PC: variants seen among roughly 807,000 people sequenced by gnomAD.
The protein encoded by PC is pyruvate carboxylase, mitochondrial.
In PC, 46 loss-of-function variants were observed where a neutral mutation model predicts 107.8. The ratio of observed to expected loss-of-function variants is 0.43; its 90% CI spans 0.34 to 0.55. The LOEUF (loss-of-function observed/expected upper bound fraction) is 0.55. Ranked by LOEUF, PC falls within the 20% of genes least tolerant of loss-of-function variation. The probability of loss-of-function intolerance (pLI) is 0.04; values close to 1 mark genes in which losing one functional copy is unlikely to be tolerated. For synonymous variants in PC, 662 were observed against 684.7 expected (o/e 0.97, Z 0.52); for missense variants, 1,241 against 1,643.1 (o/e 0.76, Z 4.23).
At chr11:66,935,269 G>A (rs906528312) in intron 3 of PC, among the ~76,000 whole-genome samples, 11 of 152,256 alleles carry the variant, frequency 7.2e-5, no homozygotes, top group Non-Finnish European at 1.3e-4. Flanking sequence ...TGATTGCCAC[G>A]TAAGAATATC....
intron 3 of PC, among the ~76,000 whole-genome samples, chr11:66,951,669 A>G (rs893690253): frequency 3.3e-5 from 5 of 152,066 alleles, no homozygotes; most frequent in Admixed American, 3.3e-4. Context: ...AGGTGGGTGG[A>G]TCACAAGATC....
intron 3 of PC, among the ~76,000 whole-genome samples, chr11:66,937,967 G>A (rs531228124): frequency 7.9e-5 from 12 of 152,048 alleles, no homozygotes; most frequent in Admixed American, 4.6e-4. Context: ...TAGTAGAGAC[G>A]GGGTTTCACT....
chr11:66,883,341 C>T (rs1481014232), intron 3 of PC, among the ~76,000 whole-genome samples: 1 of 152,216 alleles, frequency 6.6e-6, no homozygotes, highest in African/African-American at 2.4e-5. Flanking sequence ...ACACTGCCCC[C>T]TGGCGCACGA....
chr11:66,880,161 C>T (rs940831310), intron 3 of PC, among the ~76,000 whole-genome samples: 1 of 152,198 alleles, frequency 6.6e-6, no homozygotes, highest in African/African-American at 2.4e-5. Flanking sequence ...AATGGCACTG[C>T]CTTCCCAGAT....
intron 3 of PC, among the ~76,000 whole-genome samples, chr11:66,888,740 C>T (rs75168714): frequency 0.028 from 4,189 of 152,316 alleles, 87 homozygotes; most frequent in African/African-American, 0.046. Context: ...CCATAGTAGA[C>T]ACTCTGTATT....
intron 1 of PC, among the ~76,000 whole-genome samples, chr11:66,954,798 G>A (rs562263070): frequency 9.1e-4 from 139 of 152,212 alleles, no homozygotes; most frequent in Non-Finnish European, 1.4e-3. Context: ...ACAAAAATTA[G>A]CCAGGCAAAG....
At chr11:66,903,461 TGG>T (rs981764955) in intron 3 of PC, among the ~76,000 whole-genome samples, 2 of 151,756 alleles carry the variant, frequency 1.3e-5, no homozygotes, top group African/African-American at 4.8e-5. Flanking sequence ...ATTTTTTGGC[TGG>T]GCGTGGTGGC....
At chr11:66,905,399 A>T (rs1948129891) in intron 3 of PC, among the ~76,000 whole-genome samples, 1 of 152,002 alleles carries the variant, frequency 6.6e-6, no homozygotes, top group African/African-American at 2.4e-5. Context: ...CTCCAAGCTG[A>T]CTCTGTTCAG....
In PC at chr11:66,903,789, T is replaced by TATATAC. The variant is rs1244995806; in HGVS notation, c.1-31631_1-31630insGTATAT. On this transcript the variant is annotated intron_variant, in intron 3 of 22. Transcript: ENST00000393960. ...AAAAAAAAAAATATATATATATATA[T>TATATAC]ATACACACACCCACACACACCCACA... Among the ~76,000 whole-genome samples, 21 of 124,088 alleles carry TATATAC rather than the reference T, an allele frequency of 1.7e-4. 1 individual carries two copies. Among genetic ancestry groups the TATATAC allele is most frequent in the Non-Finnish European group, 3.5e-4 (20 of 57,114 alleles). 81.4% of individuals were successfully genotyped at this position (124,088 alleles called of 152,430 possible).
chr11:66,893,972 C>T (rs1248286667), intron 3 of PC, among the ~76,000 whole-genome samples: 1 of 151,628 alleles, frequency 6.6e-6, no homozygotes, highest in Non-Finnish European at 1.5e-5. Context: ...CTCTTTAATC[C>T]CTCACATCCT....
intron 3 of PC, among the ~76,000 whole-genome samples, chr11:66,880,480 C>A (rs115029245): frequency 0.016 from 2,493 of 152,264 alleles, 62 homozygotes; most frequent in African/African-American, 0.056. Context: ...TGGTGACCCT[C>A]GGAAGTGGCA....
At position 66,866,706 on chromosome 11, in the gene PC, C is replaced by T. The variant is rs2135919775; in HGVS notation, c.1023-357G>A. Among the ~76,000 whole-genome samples, 1 of 152,308 alleles carries T rather than the reference C, an allele frequency of 6.6e-6. No homozygotes were observed. Among genetic ancestry groups the T allele is most frequent in the African/African-American group, 2.4e-5 (1 of 41,560 alleles). On this transcript the variant is annotated intron_variant, in intron 10 of 22. Transcript: ENST00000393960. This position sits in a 1 kb window ranked among gnomAD's most constrained non-coding sequence, Gnocchi z 5.4. ...CCTTGAGGTCTGTTTTCCCCACTCC[C>T]CTAAACTCCCCCTTGGTAAAGCCTA...
chr11:66,874,397 C>T lies in PC; in HGVS notation c.1-2238G>A, dbSNP rs190233417. ...GCCACCACACCCGGCCGATCTGATT[C>T]ATTTCTTAGAAAACGTTTAAAACAC... On this transcript the variant is annotated intron_variant, in intron 3 of 22. Coordinates refer to ENST00000393960, the MANE Select transcript of PC (RefSeq NM_001040716.2). Among the ~76,000 whole-genome samples, 31 of 152,354 alleles carry T rather than the reference C, an allele frequency of 2.0e-4. 1 individual carries two copies. The highest frequency in any genetic ancestry group is 1.8e-3 in the Admixed American group (28 of 15,308).
chr11:66,848,746 C>A lies in PC; in HGVS notation c.*153G>T. 1 of 870,192 alleles carries A rather than the reference C, an allele frequency of 1.1e-6. No individual in the cohort carries two copies. Among genetic ancestry groups the A allele is most frequent in the South Asian group, 1.4e-5 (1 of 69,696 alleles). The allele number at this position is 870,192 out of a possible 1,614,324, so 53.9% of individuals were successfully genotyped here. On this transcript the variant is annotated 3_prime_UTR_variant, in exon 23 of 23. Transcript: ENST00000393960. ...AAGGACGATGGCTGAAAGGAATGAA[C>A]CACCGCAGGCGGTGTCTCTCCTGTC...
At chr11:66,895,247 A>G (rs1339810782) in intron 3 of PC, among the ~76,000 whole-genome samples, 12 of 152,058 alleles carry the variant, frequency 7.9e-5, no homozygotes. Context: ...CCCTTCCCCA[A>G]CTGAGCTCCC....
rs965801825 is a variant in PC, at chr11:66,858,624, G to C, written c.1368+5150C>G. ...CCACACGCAGCGCCTCTGGGTGCTG[G>C]AAGGCCAGCGGGCCACGCTGCGGTG... On this transcript the variant is annotated intron_variant, in intron 12 of 22. Coordinates refer to ENST00000393960, the MANE Select transcript of PC (RefSeq NM_001040716.2). This position sits in a 1 kb window ranked among gnomAD's most constrained non-coding sequence, Gnocchi z 5.9. 28 of 1,536,754 alleles carry C rather than the reference G, an allele frequency of 1.8e-5. No individual in the cohort carries two copies. Among genetic ancestry groups the C allele is most frequent in the Admixed American group, 5.9e-5 (3 of 50,924 alleles).
At chr11:66,947,522 C>G (rs1949327719) in intron 3 of PC, among the ~76,000 whole-genome samples, 1 of 148,370 alleles carries the variant, frequency 6.7e-6, no homozygotes, top group Non-Finnish European at 1.5e-5. Flanking sequence ...GATCGTGCCA[C>G]TGCACTCCAG....
Position 66,852,738 on chromosome 11 carries a change from C to T in PC, c.1603+9G>A, listed in dbSNP as rs779167374. 1 of 1,610,134 alleles carries T rather than the reference C, an allele frequency of 6.2e-7. No individual in the cohort carries two copies. Among genetic ancestry groups the T allele is most frequent in the Non-Finnish European group, 8.5e-7 (1 of 1,177,142 alleles). ...TCCCCCATGAGTTGACAGAATGGAT[C>T]TCACCTACCTATGGGCACTGCAGGG... is the stretch of plus-strand genomic sequence containing the variant. On this transcript the variant is annotated intron_variant, in intron 14 of 22. Coordinates refer to ENST00000393960, the MANE Select transcript of PC (RefSeq NM_001040716.2). This position sits in a 1 kb window ranked among gnomAD's most constrained non-coding sequence, Gnocchi z 4.7.
intron 3 of PC, among the ~76,000 whole-genome samples, chr11:66,891,649 C>T (rs1379678503): frequency 6.6e-6 from 1 of 152,228 alleles, no homozygotes; most frequent in Non-Finnish European, 1.5e-5. Flanking sequence ...ACCTCAGCCT[C>T]CCAAAGTGCT....
Sources: gnomAD v4.1 joint callset for allele counts (sites outside exome capture counted in the v4.1 genomes callset) on GRCh38, gnomAD v4.1.1 for gene constraint, Gnocchi (gnomAD v3.1) non-coding constraint, MANE v1.5 for transcripts, NCBI Gene and HGNC (gene_info 2026-07-23, HGNC 2026-07-21) for gene names.